Variants in TTC7B observed in about 807,000 individuals in gnomAD.
The protein encoded by TTC7B is tetratricopeptide repeat protein 7B.
Under a neutral mutation model 106.8 loss-of-function variants are expected in TTC7B, and 28 were observed. The ratio of observed to expected loss-of-function variants is 0.26; its 90% CI spans 0.19 to 0.36. The LOEUF (loss-of-function observed/expected upper bound fraction) is 0.36. Ranked by LOEUF, TTC7B falls within the 10% of genes least tolerant of loss-of-function variation. The probability of loss-of-function intolerance (pLI) is 1.00; values close to 1 mark genes in which losing one functional copy is unlikely to be tolerated. For missense variants in TTC7B, 862 were observed against 1,076.4 expected, an observed-to-expected ratio of 0.80 and a Z score of 2.79; for synonymous variants, 405 against 430.6, an observed-to-expected ratio of 0.94 and a Z score of 0.74.
At position 90,530,300 on chromosome 14, in the gene TTC7B, T is replaced by A. The variant is rs1044815961; in HGVS notation, c.*11068A>T. Reference sequence around the variant, plus strand: ...AAAAAAATCTATACTCATGGGAGAATGCTGCAAGACAACAGGCCAAAATGC... The same window carrying A: ...AAAAAAATCTATACTCATGGGAGAAAGCTGCAAGACAACAGGCCAAAATGC... On this transcript the variant is annotated 3_prime_UTR_variant, in exon 20 of 20. Coordinates refer to ENST00000328459, the MANE Select transcript of TTC7B (RefSeq NM_001010854.2). 6.6e-6 allele frequency: 1 copy of A among 152,144 alleles called. No homozygotes were observed. The highest frequency in any genetic ancestry group is 2.4e-5 in the African/African-American group (1 of 41,416). 9.4% of individuals were successfully genotyped at this position (152,144 alleles called of 1,614,324 possible).
chr14:90,778,158 G>A (rs1364991776), intron 3 of TTC7B, among the ~76,000 whole-genome samples: 2 of 152,116 alleles, frequency 1.3e-5, no homozygotes, highest in African/African-American at 4.8e-5. Context: ...CTTCCTCTAG[G>A]CAGAAGTGAC....
intron 3 of TTC7B, chr14:90,766,917 T>G (rs1890701288): frequency 6.5e-7 from 1 of 1,542,600 alleles, no homozygotes; most frequent in South Asian, 1.1e-5. Flanking sequence ...CCTGGGGCCT[T>G]CATGTCCAAA....
At chr14:90,664,705 C>G (rs59491974) in intron 9 of TTC7B, among the ~76,000 whole-genome samples, 3 of 152,040 alleles carry the variant, frequency 2.0e-5, no homozygotes, top group African/African-American at 7.2e-5. Flanking sequence ...GCTCGCAGGG[C>G]GTGAGGACAA....
chr14:90,743,464 G>C (rs1295649558), intron 4 of TTC7B, among the ~76,000 whole-genome samples: 1 of 152,158 alleles, frequency 6.6e-6, no homozygotes, highest in Admixed American at 6.5e-5. Flanking sequence ...AAAACAAGGA[G>C]CCCAGAAAAT....
intron 17 of TTC7B, among the ~76,000 whole-genome samples, chr14:90,599,065 C>A (rs545631251): frequency 6.6e-6 from 1 of 152,126 alleles, no homozygotes; most frequent in Non-Finnish European, 1.5e-5. Flanking sequence ...GCAGGAGAAT[C>A]GGTTGAACCC....
intron 5 of TTC7B, among the ~76,000 whole-genome samples, chr14:90,706,161 ATTTT>A (rs59137630): frequency 0.058 from 7,470 of 128,466 alleles, 225 homozygotes; most frequent in Non-Finnish European, 0.085. Flanking sequence ...AGCTGGAATA[ATTTT>A]TTTTTTTTTT....
chr14:90,723,977 A>T (rs374278683), intron 5 of TTC7B, among the ~76,000 whole-genome samples: 13 of 152,190 alleles, frequency 8.5e-5, no homozygotes, highest in African/African-American at 3.1e-4. Flanking sequence ...ACATCCCCAG[A>T]TGTCTACAGA....
At chr14:90,576,590 T>C (rs1891269635) in intron 19 of TTC7B, among the ~76,000 whole-genome samples, 1 of 152,204 alleles carries the variant, frequency 6.6e-6, no homozygotes, top group Non-Finnish European at 1.5e-5. Context: ...TCTCACAACA[T>C]CCCACTGGGG....
chr14:90,559,546 T>C (rs994162375), intron 19 of TTC7B, among the ~76,000 whole-genome samples: 4 of 152,128 alleles, frequency 2.6e-5, no homozygotes, highest in Non-Finnish European at 4.4e-5. Flanking sequence ...CCTTTCCTTC[T>C]CTAGAGAACG....
rs546827193 is a variant in TTC7B at position 90,716,775 on chromosome 14, T to C, written c.698+13300A>G. On this transcript the variant is annotated intron_variant, in intron 5 of 19. Transcript: ENST00000328459. ...TTCTTCCTGGTATTTTAACTGCTTA[T>C]TTCCAGGATGCAGGGATCACTGCTT... Among the ~76,000 whole-genome samples the C allele has an allele frequency of 3.9e-5, 6 of 152,344 alleles. No homozygotes were observed. The East Asian group carries it at 7.7e-4, about 20-fold the overall frequency.
intron 5 of TTC7B, among the ~76,000 whole-genome samples, chr14:90,723,373 T>C (rs1888968137): frequency 6.6e-6 from 1 of 152,370 alleles, no homozygotes; most frequent in South Asian, 2.1e-4. Context: ...CTACCCTTTG[T>C]CCTGGTGACT....
chr14:90,657,180 C>G lies in TTC7B; in HGVS notation c.1335G>C (p.Leu445=). The G allele has an allele frequency of 6.2e-7, 1 of 1,613,742 alleles. No individual in the cohort carries two copies. Residue 445 remains leucine, a synonymous_variant, in exon 11 of 20, where the codon CTG becomes CTC. Transcript: ENST00000328459. The surrounding 1 kb of genome is among the most constrained non-coding windows in gnomAD (Gnocchi z 4.2). ...GGGGGGCGCCCCTACTCACCCAGTG[C>G]AGGGAGCCCATGCAGAGCTTGGCAG... ...LLAAKLCMGS[L]HWLEEAEKFA...
chr14:90,578,181 G>T lies in TTC7B; in HGVS notation c.2235C>A (p.Ser745Arg). 1 of 1,614,002 alleles carries T rather than the reference G, an allele frequency of 6.2e-7. No homozygotes were observed. The highest frequency in any genetic ancestry group is 1.7e-5 in the Admixed American group (1 of 59,986). ...CATACCACCGCCGCGCCTCGTCCAT[G>T]CTTCCCCGGAGCTCAGCAATCTGGC... ...MRGQIAELRGSMDEARRWYEE... is the reference protein window; with the variant it reads ...MRGQIAELRGRMDEARRWYEE... The change falls in exon 19 of 20, where the codon AGC (serine) becomes AGA (arginine). Residue 745 changes from serine to arginine, a missense_variant. Coordinates refer to ENST00000328459, the MANE Select transcript of TTC7B (RefSeq NM_001010854.2). The surrounding 1 kb of genome is among the most constrained non-coding windows in gnomAD (Gnocchi z 4.7).
chr14:90,810,381 C>A (rs2030833417), intron 1 of TTC7B, among the ~76,000 whole-genome samples: 1 of 152,166 alleles, frequency 6.6e-6, no homozygotes, highest in Non-Finnish European at 1.5e-5. Context: ...GGTTACCCCC[C>A]ATAGGAAGCA....
rs1885129172 is a variant in TTC7B, at chr14:90,640,548, GA to G, written c.1751+3499del. Among the ~76,000 whole-genome samples the G allele has an allele frequency of 3.3e-5, 5 of 152,134 alleles. 1 individual carries two copies. In the South Asian group the frequency reaches 6.2e-4, roughly 19 times the overall value. Reference sequence around the variant, plus strand: ...ATTAATGTTCTTTTTTCTAAACTACGAATAGGCAAACACATATGTTCATTGT... The same window carrying G: ...ATTAATGTTCTTTTTTCTAAACTACGATAGGCAAACACATATGTTCATTGT... On this transcript the variant is annotated intron_variant, in intron 15 of 19. Coordinates refer to ENST00000328459, the MANE Select transcript of TTC7B (RefSeq NM_001010854.2).
At chr14:90,566,232 T>C (rs1422134512) in intron 19 of TTC7B, among the ~76,000 whole-genome samples, 1 of 151,826 alleles carries the variant, frequency 6.6e-6, no homozygotes, top group Non-Finnish European at 1.5e-5. Context: ...GGTGCCCAGC[T>C]ACTTGGGAGG....
chr14:90,741,089 C>A (rs1325010285), intron 4 of TTC7B, among the ~76,000 whole-genome samples: 5 of 152,170 alleles, frequency 3.3e-5, no homozygotes, highest in African/African-American at 1.2e-4. Context: ...CTAAAGGGGG[C>A]AAGGCCAGGG....
At chr14:90,815,841 G>A (rs193074723) in intron 1 of TTC7B, among the ~76,000 whole-genome samples, 1 of 152,056 alleles carries the variant, frequency 6.6e-6, no homozygotes, top group Non-Finnish European at 1.5e-5. Flanking sequence ...CTTCTTGGAA[G>A]CCCCAGGCCG....
rs1477965514 is a variant in TTC7B, at chr14:90,529,574, G to A, written c.*11794C>T. The A allele has an allele frequency of 3.3e-5, 5 of 152,196 alleles. No homozygotes were observed. Among genetic ancestry groups the A allele is most frequent in the South Asian group, 2.1e-4 (1 of 4,832 alleles). The allele number at this position is 152,196 out of a possible 1,614,324, so 9.4% of individuals were successfully genotyped here. ...TATGGATTCTGGAGTCAGGCAACCT[G>A]GGTTCAAGGCCTGCTGTAGTATTAC... is the stretch of plus-strand genomic sequence containing the variant. On this transcript the variant is annotated 3_prime_UTR_variant, in exon 20 of 20. Transcript: ENST00000328459.
Sources: allele counts gnomAD v4.1 joint callset (sites outside exome capture counted in the v4.1 genomes callset), GRCh38; gene constraint gnomAD v4.1.1; non-coding constraint Gnocchi (gnomAD v3.1); transcripts MANE v1.5; gene names NCBI Gene and HGNC (gene_info 2026-07-23, HGNC 2026-07-21).